USH2A: variants seen among roughly 807,000 people sequenced by gnomAD.
The protein encoded by USH2A is Usher syndrome 2A (autosomal recessive, mild).
In USH2A, 443 loss-of-function variants were observed where a neutral mutation model predicts 538.9. That is an observed-to-expected ratio of 0.82 (90% confidence interval 0.76 to 0.89). USH2A has a LOEUF of 0.89. Among genes scored for constraint, USH2A ranks in the 40% least tolerant of loss-of-function variants. USH2A has a pLI of 0.00. For synonymous variants in USH2A, 2,413 were observed against 2,273.5 expected, an observed-to-expected ratio of 1.06 and a Z score of -1.75; for missense variants, 6,633 against 6,324.8, an observed-to-expected ratio of 1.05 and a Z score of -1.65.
At chr1:215,757,115 T>C (rs1018194302) in intron 58 of USH2A, among the ~76,000 whole-genome samples, 1 of 152,198 alleles carries the variant, frequency 6.6e-6, no homozygotes, top group Non-Finnish European at 1.5e-5. Flanking sequence ...TAGCACTTTG[T>C]GATGCATTCT....
At chr1:216,097,345 C>T (rs759284681) in intron 21 of USH2A, 132 bp from the exon 22 acceptor site, 89 of 1,506,036 alleles carry the variant, frequency 5.9e-5, no homozygotes, top group Admixed American at 4.3e-4. Context: ...GCAATATACT[C>T]GCATGGTCTA....
intron 61 of USH2A, among the ~76,000 whole-genome samples, chr1:215,685,293 C>T (rs1658384268): frequency 1.3e-5 from 2 of 150,916 alleles, no homozygotes; most frequent in African/African-American, 2.4e-5. Flanking sequence ...AGTTGATCAA[C>T]ATATTTATGT....
At chr1:216,132,544 C>T (rs907889964) in intron 21 of USH2A, among the ~76,000 whole-genome samples, 1 of 151,970 alleles carries the variant, frequency 6.6e-6, no homozygotes, top group Non-Finnish European at 1.5e-5. Context: ...AACTAGTGAC[C>T]CCCACTCTTC....
chr1:216,362,834 G>A (rs2038519812), intron 4 of USH2A, among the ~76,000 whole-genome samples: 1 of 151,616 alleles, frequency 6.6e-6, no homozygotes, highest in Non-Finnish European at 1.5e-5. Flanking sequence ...AGCTACTCAG[G>A]AGGCTGAGGC....
At chr1:216,253,744 A>AAAAC (rs763383151) in intron 11 of USH2A, among the ~76,000 whole-genome samples, 4 of 152,236 alleles carry the variant, frequency 2.6e-5, no homozygotes, top group Admixed American at 6.5e-5. Context: ...AGTCTTGTTC[A>AAAAC]AAACAAACAA....
chr1:216,358,074 T>A (rs576202488), intron 4 of USH2A, among the ~76,000 whole-genome samples: 26 of 152,312 alleles, frequency 1.7e-4, no homozygotes, highest in Non-Finnish European at 3.2e-4. Context: ...TTTGGTCCAT[T>A]GATTACTTTT....
intron 32 of USH2A, among the ~76,000 whole-genome samples, chr1:216,004,239 A>C (rs1202569256): frequency 6.6e-6 from 1 of 152,176 alleles, no homozygotes; most frequent in Non-Finnish European, 1.5e-5. Flanking sequence ...GAGATATATA[A>C]TTTGGTAAGT....
Position 216,418,598 on chromosome 1 carries a change from G to A in USH2A, c.567C>T (p.Arg189=), listed in dbSNP as rs778605388. Residue 189 remains arginine, a synonymous_variant, in exon 3 of 72, where the codon CGC becomes CGT. Coordinates refer to ENST00000307340, the MANE Select transcript of USH2A (RefSeq NM_206933.4). The part of the protein sequence containing the change: ...ISEKETMFYY[R]TVNGLQPPIK... The stretch of plus-strand genomic sequence containing the variant: ...TTGGAGGTTGCAAACCATTTACTGT[G>A]CGATAATAAAACATGGTCTCTTTCT... 4.3e-6 allele frequency: 7 copies of A among 1,613,298 alleles called. 1 individual carries two copies. In the South Asian group the frequency reaches 6.6e-5, roughly 15 times the overall value.
chr1:216,246,374 T>C lies in USH2A; in HGVS notation c.2809+211A>G, dbSNP rs139471645. ...AATAAATCCGATCGGCTGAGTTTTA[T>C]CTAAAGTATCCTCTCAAAATAGTAA... On this transcript the variant is annotated intron_variant, in intron 13 of 71. Coordinates refer to ENST00000307340, the MANE Select transcript of USH2A (RefSeq NM_206933.4). Among the ~76,000 whole-genome samples the C allele has an allele frequency of 2.4e-3, 362 of 152,344 alleles. 1 individual carries two copies. The highest frequency in any genetic ancestry group is 8.5e-3 in the African/African-American group (353 of 41,586).
intron 9 of USH2A, among the ~76,000 whole-genome samples, chr1:216,305,284 C>T (rs889936110): frequency 1.3e-5 from 2 of 152,022 alleles, no homozygotes; most frequent in Non-Finnish European, 1.5e-5. Context: ...TCTTTGTTAA[C>T]TGCTGTTGCT....
chr1:216,336,502 C>G (rs1332289591), intron 4 of USH2A, among the ~76,000 whole-genome samples: 1 of 151,236 alleles, frequency 6.6e-6, no homozygotes, highest in African/African-American at 2.4e-5. Flanking sequence ...CTACTAAAAT[C>G]TATTAGGAAT....
intron 58 of USH2A, among the ~76,000 whole-genome samples, chr1:215,755,802 T>C (rs1660776646): frequency 6.6e-6 from 1 of 152,126 alleles, no homozygotes; most frequent in South Asian, 2.1e-4. Context: ...AGAGTTAAGG[T>C]CATATTAAAC....
intron 58 of USH2A, among the ~76,000 whole-genome samples, chr1:215,753,710 T>C (rs1345181864): frequency 1.3e-5 from 2 of 152,056 alleles, no homozygotes; most frequent in Admixed American, 1.3e-4. Context: ...TACCTAATGT[T>C]AAATGACGAG....
intron 24 of USH2A, among the ~76,000 whole-genome samples, chr1:216,085,996 T>A (rs1348683249): frequency 6.6e-6 from 1 of 152,140 alleles, no homozygotes; most frequent in Non-Finnish European, 1.5e-5. Context: ...TATTTTAACT[T>A]CCTGGGAGAG....
intron 4 of USH2A, among the ~76,000 whole-genome samples, chr1:216,328,524 G>T (rs533468806): frequency 6.6e-6 from 1 of 151,976 alleles, no homozygotes; most frequent in Non-Finnish European, 1.5e-5. Context: ...AAATAAAATT[G>T]GAGCAATTTT....
intron 9 of USH2A, among the ~76,000 whole-genome samples, chr1:216,307,953 A>C (rs2037348309): frequency 1.3e-5 from 2 of 152,138 alleles, no homozygotes; most frequent in Non-Finnish European, 2.9e-5. Context: ...CTGCAGCAGC[A>C]ATCTATTTCC....
At chr1:215,672,251 T>C (rs1057186325) in intron 63 of USH2A, among the ~76,000 whole-genome samples, 1 of 152,204 alleles carries the variant, frequency 6.6e-6, no homozygotes, top group Non-Finnish European at 1.5e-5. Context: ...CTATCTTCTT[T>C]CTACCTTTAT....
rs544018706 is a variant in USH2A at position 216,192,632 on chromosome 1, G to A, written c.4252-2265C>T. On this transcript the variant is annotated intron_variant, in intron 19 of 71. Transcript: ENST00000307340. Reference sequence around the variant, plus strand: ...CACAAGAATTGCTTGAACCCAGGAAGAGAAGATTGCAGTGAACTGAGATTG... The same window carrying A: ...CACAAGAATTGCTTGAACCCAGGAAAAGAAGATTGCAGTGAACTGAGATTG... Among the ~76,000 whole-genome samples, 145 of 152,132 alleles carry A rather than the reference G, an allele frequency of 9.5e-4. 1 individual carries two copies. The highest frequency in any genetic ancestry group is 2.8e-3 in the African/African-American group (117 of 41,512).
At chr1:216,283,949 G>C (rs1278524391) in intron 11 of USH2A, among the ~76,000 whole-genome samples, 3 of 152,054 alleles carry the variant, frequency 2.0e-5, no homozygotes, top group African/African-American at 7.2e-5. Context: ...AGCTTGGATA[G>C]AACTGAGTAT....
Sources: allele counts gnomAD v4.1 joint callset (sites outside exome capture counted in the v4.1 genomes callset), GRCh38; gene constraint gnomAD v4.1.1; transcripts MANE v1.5; gene names NCBI Gene and HGNC (gene_info 2026-07-23, HGNC 2026-07-21).